Variants in ABCC11 observed in about 807,000 individuals in gnomAD.
ABCC11 encodes ATP binding cassette subfamily C member 11.
ABCC11 carries 135 observed loss-of-function variants against 149.3 expected under a neutral mutation model. That is an observed-to-expected ratio of 0.90 (90% CI 0.79 to 1.04). The LOEUF is 1.04. Ranked by LOEUF, ABCC11 falls within the 50% of genes least tolerant of loss-of-function variation. The pLI, the probability that ABCC11 is intolerant of heterozygous loss-of-function variation, is 0.00. For synonymous variants in ABCC11, 665 were observed against 671.4 expected, an observed-to-expected ratio of 0.99 and a Z score of 0.15; for missense variants, 1,680 against 1,722.1, an observed-to-expected ratio of 0.98 and a Z score of 0.43.
intron 5 of ABCC11, among the ~76,000 whole-genome samples, chr16:48,224,020 G>A (rs1445148993): frequency 6.6e-6 from 1 of 152,152 alleles, no homozygotes; most frequent in Admixed American, 6.5e-5. Flanking sequence ...CAGAGAATGT[G>A]ACTATATTGC....
At chr16:48,238,934 TAAAAA>T (rs3048246) in intron 1 of ABCC11, among the ~76,000 whole-genome samples, 2 of 40,572 alleles carry the variant, frequency 4.9e-5, no homozygotes, top group African/African-American at 2.5e-4. Flanking sequence ...AGACTCTGTC[TAAAAA>T]AAAAAAAAAA....
rs374088211 is a variant in ABCC11, at chr16:48,211,014, G to A, written c.1542C>T (p.Leu514=). 1.8e-5 allele frequency: 29 copies of A among 1,614,050 alleles called. No individual in the cohort carries two copies. The highest frequency in any genetic ancestry group is 8.0e-5 in the African/African-American group (6 of 74,928). The change falls in exon 11 of 30, where the codon CTC becomes CTT. Residue 514 remains leucine (L), a synonymous_variant. Coordinates refer to ENST00000356608, the MANE Select transcript of ABCC11 (RefSeq NM_001370497.1). The part of the protein sequence containing the change: ...SEGMTRPRDA[L]GPEEEGNSLG... Reference sequence around the variant, plus strand: ...GGCTGTTCCCTTCTTCCTCTGGCCCGAGGGCATCTCTAGGCCTGGTCATCC... The same window carrying A: ...GGCTGTTCCCTTCTTCCTCTGGCCCAAGGGCATCTCTAGGCCTGGTCATCC...
chr16:48,235,253 T>C, intron 1 of ABCC11: 1 of 152,214 alleles, frequency 6.6e-6, no homozygotes, highest in South Asian at 2.1e-4. Flanking sequence ...GGGTTACTCA[T>C]CACATTCTGA....
At position 48,167,133 on chromosome 16, in the gene ABCC11, C is replaced by T. The variant is rs1965376170; in HGVS notation, c.*141G>A. Reference sequence around the variant, plus strand: ...ATTCCAGGGTTTCCATCCAGCAATCCCCACCCCCCCTACATTTACCCCTGC... The same window carrying T: ...ATTCCAGGGTTTCCATCCAGCAATCTCCACCCCCCCTACATTTACCCCTGC... On this transcript the variant is annotated 3_prime_UTR_variant, in exon 30 of 30. Coordinates refer to ENST00000356608, the MANE Select transcript of ABCC11 (RefSeq NM_001370497.1). 2 of 581,092 alleles carry T rather than the reference C, an allele frequency of 3.4e-6. No individual in the cohort carries two copies. Among genetic ancestry groups the T allele is most frequent in the Non-Finnish European group, 3.2e-6 (1 of 313,560 alleles). 36.0% of individuals were successfully genotyped at this position (581,092 alleles called of 1,614,324 possible).
At chr16:48,176,775 C>T (rs1008502652) in intron 25 of ABCC11, 149 bp downstream of exon 25, 2 of 940,934 alleles carry the variant, frequency 2.1e-6, no homozygotes, top group Non-Finnish European at 3.0e-6. Context: ...GTTTCGCTCA[C>T]CAGTGTTTGT....
rs768086033 is a variant in ABCC11, at chr16:48,187,328, T to C, written c.2806A>G (p.Ile936Val). The change falls in exon 21 of 30, where the codon ATC (isoleucine) becomes GTC (valine). Residue 936 changes from isoleucine (I) to valine (V), a missense_variant. Ile to Val is a conservative substitution (Grantham distance 29). Coordinates refer to ENST00000356608, the MANE Select transcript of ABCC11 (RefSeq NM_001370497.1). ...DLEQLDQLLP[I>V]FSEQFLVLSL... ...AGGACCAGGAACTGCTCTGAAAAGA[T>C]GGGCAAGAGCTGGTCCAGCTGTTCC... is the stretch of plus-strand genomic sequence containing the variant. 3 of 1,614,140 alleles carry C rather than the reference T, an allele frequency of 1.9e-6. No individual in the cohort carries two copies. Among genetic ancestry groups the C allele is most frequent in the Non-Finnish European group, 2.5e-6 (3 of 1,180,030 alleles).
Position 48,187,298 on chromosome 16 carries a change from A to G in ABCC11, c.2836T>C (p.Leu946=). Residue 946 remains leucine (L), a synonymous_variant, in exon 21 of 30, where the codon TTA becomes CTA. Transcript: ENST00000356608. ...IFSEQFLVLS[L]MVIAVLLIVS... is the part of the protein sequence containing the mutation. ...ATCAACAGGACGGCGATCACCATTA[A>G]GGACAGGACCAGGAACTGCTCTGAA... The G allele has an allele frequency of 1.2e-6, 2 of 1,614,236 alleles. No individual in the cohort carries two copies. The highest frequency in any genetic ancestry group is 1.7e-6 in the Non-Finnish European group (2 of 1,180,030).
chr16:48,205,074 T>C (rs1008697201), intron 13 of ABCC11, among the ~76,000 whole-genome samples: 2 of 152,238 alleles, frequency 1.3e-5, no homozygotes, highest in African/African-American at 4.8e-5. Context: ...AGTTCAAATG[T>C]AGCAATATTG....
chr16:48,208,310 C>G, intron 12 of ABCC11, 115 bp downstream of exon 12: 3 of 1,144,038 alleles, frequency 2.6e-6, no homozygotes, highest in Non-Finnish European at 3.8e-6. Context: ...AAAAATCCCA[C>G]TTGCTCAGAC....
At chr16:48,213,266 G>A (rs777853869) in intron 10 of ABCC11, among the ~76,000 whole-genome samples, 177 bp downstream of exon 10, 7 of 152,190 alleles carry the variant, frequency 4.6e-5, no homozygotes, top group Non-Finnish European at 7.3e-5. Context: ...GACCTGACCC[G>A]ATTCATCTGT....
Position 48,196,991 on chromosome 16 carries a change from C to T in ABCC11, c.2315-670G>A, listed in dbSNP as rs116785046. Among the ~76,000 whole-genome samples, 87 of 148,374 alleles carry T rather than the reference C, an allele frequency of 5.9e-4. 1 individual carries two copies. Among genetic ancestry groups the T allele is most frequent in the African/African-American group, 2.1e-3 (85 of 40,332 alleles). On this transcript the variant is annotated intron_variant, in intron 17 of 29. Transcript: ENST00000356608. ...GGAATTTTAATCCTGAGGGAAATTACACCAGGATGGAAATTTTTTGAGTAG... is the reference window on the plus strand; with the variant it reads ...GGAATTTTAATCCTGAGGGAAATTATACCAGGATGGAAATTTTTTGAGTAG...
intron 26 of ABCC11, 130 bp downstream of exon 26, chr16:48,175,128 G>C: frequency 8.4e-7 from 1 of 1,185,890 alleles, no homozygotes; most frequent in South Asian, 1.7e-5. Context: ...AGGTAGGCAT[G>C]AGTGGCCCAG....
At position 48,216,210 on chromosome 16, in the gene ABCC11, G is replaced by A. The variant is rs138005798; in HGVS notation, c.855C>T (p.Cys285=). The A allele has an allele frequency of 2.4e-5, 39 of 1,614,062 alleles. 1 individual carries two copies. Among genetic ancestry groups the A allele is most frequent in the Middle Eastern group, 1.7e-4 (1 of 6,048 alleles). Residue 285 remains cysteine, a synonymous_variant, in exon 7 of 30, where the codon TGC becomes TGT. Coordinates refer to ENST00000356608, the MANE Select transcript of ABCC11 (RefSeq NM_001370497.1). ...VCYGPLVLIT[C]ASLVICSISS... ...AAATGCTGCAGATGACCAGCGATGC[G>A]CAGGTGATCAGTACTAGGGGTCCAT...
rs1967843898 is a variant in ABCC11, at chr16:48,200,331, C to A, written c.2027G>T (p.Cys676Phe). The A allele has an allele frequency of 1.2e-6, 2 of 1,614,234 alleles. No individual in the cohort carries two copies. The highest frequency in any genetic ancestry group is 1.7e-6 in the Non-Finnish European group (2 of 1,180,032). Residue 676 changes from cysteine to phenylalanine, a missense_variant, in exon 15 of 30, where the codon TGC (cysteine) becomes TTC (phenylalanine). Cys to Phe is a radical substitution (Grantham distance 205). Coordinates refer to ENST00000356608, the MANE Select transcript of ABCC11 (RefSeq NM_001370497.1). ...AHVGKHIFEE[C>F]IKKTLRGKTV... is the part of the protein sequence containing the mutation. ...CTTCCCCCTGAGTGTCTTCTTAATG[C>A]ACTCCTCAAAAATGTGCTTCCCCAC...
rs543193475 is a variant in ABCC11 at position 48,238,954 on chromosome 16, A to C, written c.-18-7015T>G. 1.3e-3 allele frequency among the ~76,000 whole-genome samples: 201 copies of C among 151,098 alleles called. 1 individual carries two copies. The highest frequency in any genetic ancestry group is 4.6e-3 in the African/African-American group (190 of 41,312). On this transcript the variant is annotated intron_variant, in intron 1 of 29. Transcript: ENST00000356608. ...CTGTCTAAAAAAAAAAAAAAAAAAA[A>C]AAAAACCATAAAAACTAAATATCTG...
intron 1 of ABCC11, among the ~76,000 whole-genome samples, chr16:48,237,383 AAC>A (rs946598477): frequency 2.9e-4 from 44 of 152,144 alleles, no homozygotes; most frequent in African/African-American, 1.1e-3. Context: ...AATCCTTCTC[AAC>A]TGTTTTTCCT....
intron 10 of ABCC11, among the ~76,000 whole-genome samples, chr16:48,212,459 G>A (rs1969007082): frequency 6.6e-6 from 1 of 152,168 alleles, no homozygotes; most frequent in African/African-American, 2.4e-5. Context: ...ATCACCTAAT[G>A]TTTTAAGAAA....
intron 14 of ABCC11, among the ~76,000 whole-genome samples, chr16:48,200,733 G>C (rs903060408): frequency 2.6e-5 from 4 of 152,186 alleles, no homozygotes; most frequent in South Asian, 2.1e-4. Flanking sequence ...AAGGATTTTT[G>C]GGGGTAGGGA....
At position 48,175,406 on chromosome 16, in the gene ABCC11, A is replaced by G. The variant is rs778093204; in HGVS notation, c.3550T>C (p.Leu1184=). ...ACCAGGCGGAAGAGAGCCATGCCCA[A>G]GGAGGACTTCCCTGTGGGGCAAGAA... ...VGRTGSGKSS[L]GMALFRLVEP... The change falls in exon 26 of 30, where the codon TTG becomes CTG. Residue 1184 remains leucine (L), a synonymous_variant. Transcript: ENST00000356608. 2 of 1,610,242 alleles carry G rather than the reference A, an allele frequency of 1.2e-6. No individual in the cohort carries two copies. Among genetic ancestry groups the G allele is most frequent in the Admixed American group, 3.3e-5 (2 of 59,894 alleles).
Sources: gnomAD v4.1 joint callset for allele counts (sites outside exome capture counted in the v4.1 genomes callset) on GRCh38, gnomAD v4.1.1 for gene constraint, MANE v1.5 for transcripts, NCBI Gene and HGNC (gene_info 2026-07-23, HGNC 2026-07-21) for gene names.